The following ZNF236 variants were observed in gnomAD, a reference collection of about 807,000 sequenced individuals.
The protein encoded by ZNF236 is regulated by glucose.
Under a neutral mutation model 191.2 loss-of-function variants are expected in ZNF236, and 50 were observed. The ratio of observed to expected loss-of-function variants is 0.26; its 90% CI spans 0.21 to 0.33. The LOEUF (loss-of-function observed/expected upper bound fraction) is 0.33, where lower values mean the gene tolerates loss of function less well. Ranked by LOEUF, ZNF236 falls within the 10% of genes least tolerant of loss-of-function variation. The pLI is 1.00. For synonymous variants in ZNF236, 907 were observed against 928.8 expected, an observed-to-expected ratio of 0.98 and a Z score of 0.43; for missense variants, 1,754 against 2,374.5, an observed-to-expected ratio of 0.74 and a Z score of 5.43.
rs548719663 is a variant in ZNF236, at chr18:76,884,913, A to G, written c.1417+3401A>G. 2.6e-5 allele frequency: 4 copies of G among 152,348 alleles called. No individual in the cohort carries two copies. The East Asian group carries it at 7.7e-4, about 29-fold the overall frequency. 9.4% of individuals were successfully genotyped at this position (152,348 alleles called of 1,614,324 possible). On this transcript the variant is annotated intron_variant, in intron 9 of 30. Coordinates refer to ENST00000320610, the MANE Select transcript of ZNF236 (RefSeq NM_001306089.2). ...CTCCTTCTCCGTGGGGTCTGCATCCATGAGTGCAACCGACCTCATATCAGA... is the reference window on the plus strand; with the variant it reads ...CTCCTTCTCCGTGGGGTCTGCATCCGTGAGTGCAACCGACCTCATATCAGA...
chr18:76,846,234 G>A (rs1020843330), intron 1 of ZNF236, among the ~76,000 whole-genome samples: 5 of 152,210 alleles, frequency 3.3e-5, no homozygotes, highest in African/African-American at 7.2e-5. Context: ...TTACAGACAT[G>A]AGCCACCATG....
intron 27 of ZNF236, among the ~76,000 whole-genome samples, chr18:76,951,165 A>G (rs1018980554): frequency 3.9e-5 from 6 of 152,370 alleles, no homozygotes; most frequent in Admixed American, 3.3e-4. Context: ...TTGGAATGGT[A>G]AATGAGCATT....
chr18:76,930,043 T>G (rs978338002), intron 25 of ZNF236, among the ~76,000 whole-genome samples: 3 of 152,174 alleles, frequency 2.0e-5, no homozygotes, highest in African/African-American at 7.2e-5. Context: ...CCAGATACAA[T>G]GAAAGTCCTT....
At chr18:76,832,028 AAAATAAGT>A (rs1359817802) in intron 1 of ZNF236, among the ~76,000 whole-genome samples, 1 of 152,216 alleles carries the variant, frequency 6.6e-6, no homozygotes, top group Non-Finnish European at 1.5e-5. Context: ...ATAATATTTG[AAAATAAGT>A]AATATTTTCC....
At chr18:76,824,966 C>T (rs1168428212) in intron 1 of ZNF236, among the ~76,000 whole-genome samples, 2 of 152,202 alleles carry the variant, frequency 1.3e-5, no homozygotes, top group Non-Finnish European at 2.9e-5. Flanking sequence ...AAATGTAAAT[C>T]AGATGGCTAC....
At chr18:76,843,142 A>G (rs2122469030) in intron 1 of ZNF236, among the ~76,000 whole-genome samples, 1 of 152,346 alleles carries the variant, frequency 6.6e-6, no homozygotes, top group East Asian at 1.9e-4. Context: ...GTCAAAGGGT[A>G]CTTAACAAGC....
Position 76,919,108 on chromosome 18 carries a change from G to T in ZNF236, c.3275-668G>T, listed in dbSNP as rs1054363729. 6.6e-6 allele frequency among the ~76,000 whole-genome samples: 1 copy of T among 151,858 alleles called. No homozygotes were observed. Among genetic ancestry groups the T allele is most frequent in the Admixed American group, 6.6e-5 (1 of 15,238 alleles). On this transcript the variant is annotated intron_variant, in intron 19 of 30. Coordinates refer to ENST00000320610, the MANE Select transcript of ZNF236 (RefSeq NM_001306089.2). This position sits in a 1 kb window ranked among gnomAD's most constrained non-coding sequence, Gnocchi z 5.3. Reference sequence around the variant, plus strand: ...AAAATCTGATGGTAATTCATTTTTTGCCCTTATTAATAAATGAATATCTAT... The same window carrying T: ...AAAATCTGATGGTAATTCATTTTTTTCCCTTATTAATAAATGAATATCTAT...
intron 3 of ZNF236, among the ~76,000 whole-genome samples, chr18:76,860,614 C>T (rs890336128): frequency 3.3e-5 from 5 of 152,100 alleles, no homozygotes; most frequent in Non-Finnish European, 7.3e-5. Context: ...GCCGTGGTCT[C>T]CTGGGTAGGA....
chr18:76,868,739 G>T lies in ZNF236; in HGVS notation c.418G>T (p.Val140Leu), dbSNP rs376876778. The T allele has an allele frequency of 6.2e-7, 1 of 1,613,852 alleles. No individual in the cohort carries two copies. The highest frequency in any genetic ancestry group is 8.5e-7 in the Non-Finnish European group (1 of 1,179,864). ...GTTTACTCTGCAGAGTCAGCTGGCC[G>T]TGCACATGGAGGAGCACCGCCAGGA... ...DEFTLQSQLA[V>L]HMEEHRQELA... Residue 140 changes from valine (V) to leucine (L), a missense_variant, in exon 4 of 31, where the codon GTG becomes TTG. This residue lies in a region of ZNF236 where 336 missense variants were observed against 495.1 expected (regional missense o/e 0.68). Transcript: ENST00000320610.
At chr18:76,854,575 C>T (rs1975990027) in intron 3 of ZNF236, among the ~76,000 whole-genome samples, 1 of 115,012 alleles carries the variant, frequency 8.7e-6, no homozygotes, top group Non-Finnish European at 1.7e-5. Context: ...GCAACATAGA[C>T]TGTCACTACA....
intron 27 of ZNF236, among the ~76,000 whole-genome samples, chr18:76,949,080 A>G (rs755526061): frequency 3.9e-5 from 6 of 152,254 alleles, no homozygotes; most frequent in African/African-American, 7.2e-5. Context: ...TCATTGAGAC[A>G]GAAAAAGCAT....
At chr18:76,930,615 A>G (rs1054047293) in intron 25 of ZNF236, among the ~76,000 whole-genome samples, 1 of 152,250 alleles carries the variant, frequency 6.6e-6, no homozygotes, top group Non-Finnish European at 1.5e-5. Context: ...TTCAGAACAC[A>G]TAGGATAGGA....
chr18:76,920,923 C>A lies in ZNF236; in HGVS notation c.3557+865C>A, dbSNP rs543613504. Among the ~76,000 whole-genome samples the A allele has an allele frequency of 2.8e-4, 42 of 152,312 alleles. No homozygotes were observed. The South Asian group carries it at 3.7e-3, about 14-fold the overall frequency. ...GGAAGACCAAAGTATCAGCGTTCTC[C>A]TGAAGAATCAGAAGTGTTTCTGTAT... On this transcript the variant is annotated intron_variant, in intron 20 of 30. Coordinates refer to ENST00000320610, the MANE Select transcript of ZNF236 (RefSeq NM_001306089.2).
At chr18:76,856,146 G>C (rs1244155583) in intron 3 of ZNF236, among the ~76,000 whole-genome samples, 2 of 151,012 alleles carry the variant, frequency 1.3e-5, no homozygotes, top group Non-Finnish European at 2.9e-5. Context: ...GTCTCAAGTA[G>C]TGGTTGGATT....
intron 9 of ZNF236, chr18:76,886,049 G>A (rs145173687): frequency 1.3e-5 from 2 of 152,216 alleles, no homozygotes; most frequent in South Asian, 2.1e-4. Flanking sequence ...TTTTCCATCA[G>A]TGGAGTCTAC....
At chr18:76,963,354 C>T (rs1466655975) in intron 30 of ZNF236, among the ~76,000 whole-genome samples, 1 of 152,028 alleles carries the variant, frequency 6.6e-6, no homozygotes, top group Non-Finnish European at 1.5e-5. Flanking sequence ...GTTTTTAATT[C>T]TGTTTATGTG....
At chr18:76,929,542 C>T (rs1967794642) in intron 25 of ZNF236, among the ~76,000 whole-genome samples, 1 of 152,122 alleles carries the variant, frequency 6.6e-6, no homozygotes, top group African/African-American at 2.4e-5. Context: ...GATTGTGCCT[C>T]TGTTCTTCCT....
At chr18:76,847,611 G>A (rs1195113387) in intron 1 of ZNF236, among the ~76,000 whole-genome samples, 8 of 152,136 alleles carry the variant, frequency 5.3e-5, no homozygotes, top group Admixed American at 2.6e-4. Flanking sequence ...GGCTACAGGC[G>A]CCCACCACCA....
chr18:76,867,103 A>G (rs1976439039), intron 3 of ZNF236, among the ~76,000 whole-genome samples: 1 of 152,156 alleles, frequency 6.6e-6, no homozygotes, highest in Non-Finnish European at 1.5e-5. Flanking sequence ...CCAGGGCAGT[A>G]TCAGTACGGA....
Sources: allele counts gnomAD v4.1 joint callset (sites outside exome capture counted in the v4.1 genomes callset), GRCh38; gene constraint gnomAD v4.1.1; regional missense constraint gnomAD v4.1.1; non-coding constraint Gnocchi (gnomAD v3.1); transcripts MANE v1.5; gene names NCBI Gene and HGNC (gene_info 2026-07-23, HGNC 2026-07-21).